Variants in ROR1 observed in about 807,000 individuals in gnomAD.
ROR1 encodes the protein ROR family WNT receptor 1, also known as inactive tyrosine-protein kinase transmembrane receptor ROR1.
Under a neutral mutation model 78.8 loss-of-function variants are expected in ROR1, and 19 were observed. The ratio of observed to expected loss-of-function variants is 0.24; its 90% CI spans 0.17 to 0.35. The LOEUF (loss-of-function observed/expected upper bound fraction) is 0.35. Ranked by LOEUF, ROR1 falls within the 10% of genes least tolerant of loss-of-function variation. ROR1 has a pLI of 1.00. For synonymous variants in ROR1, 386 were observed against 433.6 expected (o/e 0.89, Z 1.36); for missense variants, 917 against 1,177.8 (o/e 0.78, Z 3.24).
At chr1:64,061,025 C>T (rs1646913139) in intron 4 of ROR1, among the ~76,000 whole-genome samples, 1 of 152,132 alleles carries the variant, frequency 6.6e-6, no homozygotes, top group Admixed American at 6.5e-5. Flanking sequence ...TCTAGGAGTA[C>T]ACTTTCTGAG....
At chr1:63,921,537 A>T (rs1051012525) in intron 1 of ROR1, among the ~76,000 whole-genome samples, 2 of 152,144 alleles carry the variant, frequency 1.3e-5, no homozygotes, top group African/African-American at 4.8e-5. Context: ...TGTCGCTACC[A>T]TGTGCACCAA....
intron 1 of ROR1, among the ~76,000 whole-genome samples, chr1:63,945,618 T>C (rs1402252280): frequency 6.6e-6 from 1 of 152,190 alleles, no homozygotes; most frequent in African/African-American, 2.4e-5. Flanking sequence ...TTTATACCTT[T>C]ACTTGCTACA....
chr1:63,789,674 CTTTTTTTTTTTTT>C (rs902307163), intron 1 of ROR1, among the ~76,000 whole-genome samples: 5 of 102,606 alleles, frequency 4.9e-5, no homozygotes, highest in South Asian at 3.4e-4. Flanking sequence ...CCTTCCTCTC[CTTTTTTTTTTTTT>C]TTTTTTTTTG....
intron 1 of ROR1, among the ~76,000 whole-genome samples, chr1:63,933,740 G>A (rs962953382): frequency 2.6e-5 from 4 of 152,226 alleles, no homozygotes; most frequent in African/African-American, 9.6e-5. Context: ...GCTAATTGGT[G>A]AAGTTGGGAT....
chr1:63,989,318 A>T (rs1646276682), intron 1 of ROR1, among the ~76,000 whole-genome samples: 1 of 151,966 alleles, frequency 6.6e-6, no homozygotes, highest in Non-Finnish European at 1.5e-5. Flanking sequence ...TGGGTAATGG[A>T]TAATATTAAT....
At chr1:63,936,176 A>G (rs781541005) in intron 1 of ROR1, among the ~76,000 whole-genome samples, 2 of 152,212 alleles carry the variant, frequency 1.3e-5, no homozygotes, top group Non-Finnish European at 2.9e-5. Flanking sequence ...GAAGAACTCT[A>G]CTATTGGTGC....
At chr1:64,146,197 T>G (rs1649468216) in intron 7 of ROR1, among the ~76,000 whole-genome samples, 1 of 152,174 alleles carries the variant, frequency 6.6e-6, no homozygotes, top group Non-Finnish European at 1.5e-5. Context: ...AGAAATGGGC[T>G]GGGCTTGGTG....
At chr1:64,073,259 T>C (rs971183839) in intron 4 of ROR1, among the ~76,000 whole-genome samples, 3 of 152,164 alleles carry the variant, frequency 2.0e-5, no homozygotes, top group African/African-American at 4.8e-5. Flanking sequence ...TACTAGCCAC[T>C]TGGGGGTCCT....
chr1:63,869,233 C>T (rs933621730), intron 1 of ROR1, among the ~76,000 whole-genome samples: 7 of 152,184 alleles, frequency 4.6e-5, no homozygotes, highest in South Asian at 2.1e-4. Flanking sequence ...GGCAAGCCCT[C>T]GACAATGATT....
intron 1 of ROR1, among the ~76,000 whole-genome samples, chr1:63,794,629 TG>T (rs1242055207): frequency 6.6e-6 from 1 of 152,210 alleles, no homozygotes; most frequent in Non-Finnish European, 1.5e-5. Context: ...ACCGCAGTGA[TG>T]GAATCACCTG....
intron 4 of ROR1, among the ~76,000 whole-genome samples, chr1:64,136,704 T>G (rs1649115167): frequency 6.6e-6 from 1 of 152,138 alleles, no homozygotes; most frequent in Non-Finnish European, 1.5e-5. Flanking sequence ...CCGCAAAATT[T>G]TAATAAGACT....
intron 1 of ROR1, among the ~76,000 whole-genome samples, chr1:63,858,464 G>C (rs1056549657): frequency 7.9e-5 from 12 of 151,968 alleles, no homozygotes; most frequent in Non-Finnish European, 1.8e-4. Context: ...ATTAAGACTG[G>C]GTGTATTTTG....
intron 8 of ROR1, among the ~76,000 whole-genome samples, chr1:64,159,556 A>G (rs1405813015): frequency 6.6e-6 from 1 of 152,208 alleles, no homozygotes; most frequent in Non-Finnish European, 1.5e-5. Flanking sequence ...AGAGAACAAG[A>G]TCCATCATTG....
chr1:64,139,519 G>A (rs1649233205), intron 5 of ROR1, among the ~76,000 whole-genome samples: 1 of 152,198 alleles, frequency 6.6e-6, no homozygotes, highest in South Asian at 2.1e-4. Flanking sequence ...TTAAGCTAAG[G>A]AACCACTAAT....
intron 1 of ROR1, among the ~76,000 whole-genome samples, chr1:63,786,227 A>AT (rs1328212574): frequency 7.8e-6 from 1 of 128,230 alleles, no homozygotes; most frequent in African/African-American, 2.8e-5. Flanking sequence ...GGAATAAAGC[A>AT]TTTCCCCCCT....
At chr1:63,975,772 G>A (rs533567823) in intron 1 of ROR1, among the ~76,000 whole-genome samples, 7 of 152,244 alleles carry the variant, frequency 4.6e-5, no homozygotes, top group South Asian at 2.1e-4. Flanking sequence ...CTTCCTTGGC[G>A]GGTGACATCT....
intron 4 of ROR1, among the ~76,000 whole-genome samples, chr1:64,129,105 C>A: frequency 6.6e-6 from 1 of 152,146 alleles, no homozygotes; most frequent in East Asian, 1.9e-4. Flanking sequence ...CTCACCATTG[C>A]TTTTTACGGA....
At chr1:64,104,564 A>T (rs1409361115) in intron 4 of ROR1, among the ~76,000 whole-genome samples, 1 of 151,870 alleles carries the variant, frequency 6.6e-6, no homozygotes, top group African/African-American at 2.4e-5. Context: ...TACATGTGCC[A>T]TGGTGGTTTG....
At chr1:63,867,085 C>A (rs1017156270) in intron 1 of ROR1, among the ~76,000 whole-genome samples, 1 of 152,200 alleles carries the variant, frequency 6.6e-6, no homozygotes, top group African/African-American at 2.4e-5. Context: ...CTGTTTGGCT[C>A]CTGTACTTAT....
Sources: gnomAD v4.1 joint callset for allele counts (sites outside exome capture counted in the v4.1 genomes callset) on GRCh38, gnomAD v4.1.1 for gene constraint, MANE v1.5 for transcripts, NCBI Gene and HGNC (gene_info 2026-07-23, HGNC 2026-07-21) for gene names.